The following AHI1 variants were observed in gnomAD, a reference collection of about 807,000 sequenced individuals.
AHI1 encodes jouberin.
Under a neutral mutation model 149.3 loss-of-function variants are expected in AHI1, and 123 were observed. The observed-to-expected ratio is 0.82, with a 90% confidence interval of 0.71 to 0.96. The LOEUF (loss-of-function observed/expected upper bound fraction) is 0.96, where lower values mean the gene tolerates loss of function less well. Among genes scored for constraint, AHI1 ranks in the 40% least tolerant of loss-of-function variants. The pLI is 0.00. For synonymous variants in AHI1, 475 were observed against 459.8 expected (o/e 1.03, Z -0.42); for missense variants, 1,439 against 1,422.7 (o/e 1.01, Z -0.18).
At chr6:135,418,035 C>CT (rs1782637213) in intron 20 of AHI1, among the ~76,000 whole-genome samples, 1 of 141,796 alleles carries the variant, frequency 7.1e-6, no homozygotes, top group Non-Finnish European at 1.5e-5. Context: ...ATAACTCTTT[C>CT]TTCATTTTGT....
At chr6:135,390,746 C>T (rs1214042002) in intron 23 of AHI1, among the ~76,000 whole-genome samples, 1 of 152,194 alleles carries the variant, frequency 6.6e-6, no homozygotes, top group East Asian at 1.9e-4. Flanking sequence ...CCCAGAAGCT[C>T]TAAAATGATT....
chr6:135,390,026 T>C (rs996078113), intron 23 of AHI1, among the ~76,000 whole-genome samples: 1 of 151,918 alleles, frequency 6.6e-6, no homozygotes, highest in Non-Finnish European at 1.5e-5. Flanking sequence ...TTTTATTTTA[T>C]TTTTTTTAAA....
intron 15 of AHI1, among the ~76,000 whole-genome samples, chr6:135,437,796 A>G (rs1040563561): frequency 1.3e-5 from 2 of 152,226 alleles, no homozygotes; most frequent in Non-Finnish European, 2.9e-5. Flanking sequence ...TTCAAGGTAG[A>G]ACAAGCAACT....
intron 24 of AHI1, among the ~76,000 whole-genome samples, chr6:135,330,556 T>C (rs1788409828): frequency 6.6e-6 from 1 of 152,222 alleles, no homozygotes; most frequent in Admixed American, 6.5e-5. Flanking sequence ...CCCAAATTTG[T>C]GTGGCTTGTT....
At chr6:135,483,155 C>T (rs59326237) in intron 5 of AHI1, among the ~76,000 whole-genome samples, 9,893 of 151,640 alleles carry the variant, frequency 0.065, 736 homozygotes, top group African/African-American at 0.18. Context: ...ACCTTGGCCT[C>T]CCAAAGTGCT....
rs537873477 is a variant in AHI1 at position 135,301,807 on chromosome 6, T to C, written c.3427-1249A>G. ...AGTTAAAACGTGTTTGGGAAAAAAG[T>C]ACATACACACGGGAAATTTCAGATT... On this transcript the variant is annotated intron_variant, in intron 26 of 28. Coordinates refer to ENST00000265602, the MANE Select transcript of AHI1 (RefSeq NM_001134831.2). 12 of 985,420 alleles carry C rather than the reference T, an allele frequency of 1.2e-5. No individual in the cohort carries two copies. The African/African-American group carries it at 1.6e-4, about 13-fold the overall frequency. The allele number at this position is 985,420 out of a possible 1,614,324, so 61.0% of individuals were successfully genotyped here.
chr6:135,417,279 TTC>T (rs1361835701), intron 20 of AHI1, among the ~76,000 whole-genome samples: 1 of 152,066 alleles, frequency 6.6e-6, no homozygotes, highest in African/African-American at 2.4e-5. Context: ...TCCCTATATT[TTC>T]TCTGAGATTG....
chr6:135,447,245 AAAT>A, intron 12 of AHI1, 85 bp from the exon 13 acceptor site: 1 of 862,590 alleles, frequency 1.2e-6, no homozygotes, highest in African/African-American at 1.7e-5. Flanking sequence ...ATACTGAAAC[AAAT>A]AATATGAAAA....
intron 23 of AHI1, among the ~76,000 whole-genome samples, chr6:135,375,980 C>T (rs904939175): frequency 6.6e-6 from 1 of 151,854 alleles, no homozygotes; most frequent in African/African-American, 2.4e-5. Flanking sequence ...TGAATGGGCT[C>T]TCCTTTGCCA....
At chr6:135,492,554 A>C in intron 3 of AHI1, 1 of 981,664 alleles carries the variant, frequency 1.0e-6, no homozygotes. Context: ...TTTTGAAGGC[A>C]GTGCACATCT....
intron 22 of AHI1, among the ~76,000 whole-genome samples, chr6:135,396,168 T>C (rs182966143): frequency 6.6e-6 from 1 of 151,872 alleles, no homozygotes; most frequent in African/African-American, 2.4e-5. Context: ...CAATAAAAAA[T>C]AAAAGTATTT....
At chr6:135,409,360 G>C (rs1217431216) in intron 21 of AHI1, among the ~76,000 whole-genome samples, 1 of 152,058 alleles carries the variant, frequency 6.6e-6, no homozygotes, top group Non-Finnish European at 1.5e-5. Context: ...TTTAAAATTA[G>C]TATGTTTTCA....
rs140754537 is a variant in AHI1 at position 135,362,102 on chromosome 6, T to C, written c.3110-3915A>G. On this transcript the variant is annotated intron_variant, in intron 23 of 28. Transcript: ENST00000265602. ...CTTTTTATGACTAAGTAGTATTCCATGGTGTGTGTGTGTAGGTGTGAGTGT... is the reference window on the plus strand; with the variant it reads ...CTTTTTATGACTAAGTAGTATTCCACGGTGTGTGTGTGTAGGTGTGAGTGT... Among the ~76,000 whole-genome samples the C allele has an allele frequency of 2.5e-3, 381 of 152,076 alleles. 5 individuals are homozygous for C. Among genetic ancestry groups the C allele is most frequent in the African/African-American group, 8.4e-3 (349 of 41,488 alleles).
Position 135,411,515 on chromosome 6 carries a change from G to A in AHI1, c.2794C>T (p.Arg932Cys), listed in dbSNP as rs370101143. 3.1e-5 allele frequency: 50 copies of A among 1,594,330 alleles called. No homozygotes were observed. In the East Asian group the frequency reaches 6.3e-4, roughly 20 times the overall value. ...VAQQEAEMFKRYNGTFPLPGI... is the reference protein window; with the variant it reads ...VAQQEAEMFKCYNGTFPLPGI... ...GGTAATGGAAATGTTCCATTGTAGC[G>A]TTTGAACATTTCAGCCTCCTGCTGG... Residue 932 changes from arginine (R) to cysteine (C), a missense_variant, in exon 21 of 29, where the codon CGC becomes TGC. Transcript: ENST00000265602.
chr6:135,348,306 G>C (rs1791563937), intron 24 of AHI1, among the ~76,000 whole-genome samples: 1 of 152,144 alleles, frequency 6.6e-6, no homozygotes, highest in Non-Finnish European at 1.5e-5. Flanking sequence ...ATAATAATGT[G>C]TGTTAAATTT....
At chr6:135,304,165 T>A (rs557304101) in intron 26 of AHI1, among the ~76,000 whole-genome samples, 22 of 152,288 alleles carry the variant, frequency 1.4e-4, no homozygotes, top group Admixed American at 5.9e-4. Context: ...GGCCAACCTG[T>A]GGCCTCAGTC....
intron 5 of AHI1, among the ~76,000 whole-genome samples, chr6:135,473,439 T>C (rs1238726022): frequency 6.6e-6 from 1 of 152,186 alleles, no homozygotes; most frequent in Non-Finnish European, 1.5e-5. Flanking sequence ...TTGTTTACAG[T>C]TCCCAATAAA....
chr6:135,310,073 A>G (rs1282701240), intron 26 of AHI1, among the ~76,000 whole-genome samples: 1 of 152,168 alleles, frequency 6.6e-6, no homozygotes, highest in Non-Finnish European at 1.5e-5. Flanking sequence ...CCAATGATTT[A>G]GTATATATTA....
intron 24 of AHI1, among the ~76,000 whole-genome samples, chr6:135,325,269 T>C (rs1323378561): frequency 2.6e-5 from 4 of 152,186 alleles, no homozygotes; most frequent in African/African-American, 7.2e-5. Flanking sequence ...TCAGGTGATC[T>C]GCTCGCCTTG....
Sources: gnomAD v4.1 joint callset for allele counts (sites outside exome capture counted in the v4.1 genomes callset) on GRCh38, gnomAD v4.1.1 for gene constraint, MANE v1.5 for transcripts, NCBI Gene and HGNC (gene_info 2026-07-23, HGNC 2026-07-21) for gene names.